PILRA: variants seen among roughly 807,000 people sequenced by gnomAD.
PILRA encodes paired immunoglobulin-like type 2 receptor alpha.
In PILRA, 37 loss-of-function variants were observed where a neutral mutation model predicts 33.1. The ratio of observed to expected loss-of-function variants is 1.12; its 90% CI spans 0.86 to 1.47. The LOEUF is 1.47. Ranked by LOEUF, PILRA falls within the 40% of genes most tolerant of loss-of-function variation. The pLI is 0.00. For synonymous variants in PILRA, 146 were observed against 149.9 expected, an observed-to-expected ratio of 0.97 and a Z score of 0.19; for missense variants, 312 against 376.2, an observed-to-expected ratio of 0.83 and a Z score of 1.41.
intron 1 of PILRA, 62 bp from the exon 2 acceptor site, chr7:100,373,982 C>A: frequency 2.5e-6 from 4 of 1,578,854 alleles, no homozygotes; most frequent in Non-Finnish European, 3.4e-6. Context: ...TCTGGGGTCA[C>A]CCTCTTTGTG....
intron 2 of PILRA, among the ~76,000 whole-genome samples, chr7:100,375,578 A>G (rs571261207): frequency 1.6e-4 from 24 of 152,274 alleles, no homozygotes; most frequent in African/African-American, 5.8e-4. Context: ...CTAAACATAC[A>G]AAAATTAGCC....
chr7:100,385,924 C>T lies in PILRA; in HGVS notation c.455-3964C>T, dbSNP rs376683498. On this transcript the variant is annotated intron_variant, in intron 2 of 6. Transcript: ENST00000198536. ...GATTACAGGCGTGAGCCACCACACC[C>T]GGCCTATGTCTTTTTTTTTTTTTGA... is the stretch of plus-strand genomic sequence containing the variant. Among the ~76,000 whole-genome samples, 17 of 151,174 alleles carry T rather than the reference C, an allele frequency of 1.1e-4. No homozygotes were observed. In the East Asian group the frequency reaches 2.3e-3, roughly 21 times the overall value.
intron 2 of PILRA, among the ~76,000 whole-genome samples, chr7:100,380,572 G>A (rs545384061): frequency 2.4e-4 from 36 of 152,280 alleles, no homozygotes; most frequent in Non-Finnish European, 3.8e-4. Context: ...AAGACAGGAG[G>A]ATTATTTGAG....
rs1291765139 is a variant in PILRA, at chr7:100,376,478, A to C, written c.454+2045A>C. On this transcript the variant is annotated intron_variant, in intron 2 of 6. Transcript: ENST00000198536. The stretch of plus-strand genomic sequence containing the variant: ...TCAGGAAAGTAATAAAAAGAGAAAA[A>C]AGTGTTTTTTTTTTTTTTTTTTGAG... 5.4e-5 allele frequency: 8 copies of C among 147,390 alleles called. No individual in the cohort carries two copies. The East Asian group carries it at 1.6e-3, about 29-fold the overall frequency. The allele number at this position is 147,390 out of a possible 1,614,324, so 9.1% of individuals were successfully genotyped here.
At chr7:100,388,790 A>G (rs1343714725) in intron 2 of PILRA, among the ~76,000 whole-genome samples, 1 of 150,424 alleles carries the variant, frequency 6.6e-6, no homozygotes, top group African/African-American at 2.4e-5. Context: ...ACAATCCTGT[A>G]AAAACACACT....
intron 2 of PILRA, among the ~76,000 whole-genome samples, chr7:100,381,496 A>C (rs1791092677): frequency 6.6e-6 from 1 of 152,040 alleles, no homozygotes; most frequent in East Asian, 1.9e-4. Flanking sequence ...CCACCAAAAC[A>C]ACCAAAAATG....
chr7:100,399,148 A>G, intron 4 of PILRA, 143 bp from the exon 5 acceptor site: 1 of 597,528 alleles, frequency 1.7e-6, no homozygotes, highest in Non-Finnish European at 3.1e-6. Context: ...TATGTTGTCC[A>G]GGCTGGTCTT....
At chr7:100,398,838 G>A (rs572364619) in intron 4 of PILRA, among the ~76,000 whole-genome samples, 1 of 151,974 alleles carries the variant, frequency 6.6e-6, no homozygotes, top group Non-Finnish European at 1.5e-5. Context: ...AGCAGCCTCC[G>A]AGTCTAAAAC....
chr7:100,375,305 T>C (rs921195015), intron 2 of PILRA, among the ~76,000 whole-genome samples: 1 of 152,198 alleles, frequency 6.6e-6, no homozygotes, highest in African/African-American at 2.4e-5. Flanking sequence ...ATTGCCCTAG[T>C]GAACCCTCAC....
chr7:100,394,337 C>T (rs1791448466), intron 3 of PILRA, among the ~76,000 whole-genome samples: 1 of 152,020 alleles, frequency 6.6e-6, no homozygotes, highest in African/African-American at 2.4e-5. Context: ...GTCAGCATTA[C>T]CATGATACCA....
At chr7:100,394,764 A>G (rs571161864) in intron 3 of PILRA, among the ~76,000 whole-genome samples, 2 of 152,290 alleles carry the variant, frequency 1.3e-5, no homozygotes, top group African/African-American at 4.8e-5. Flanking sequence ...AACAAATGGC[A>G]TTGGGAAAAC....
At chr7:100,377,227 A>AT (rs1790971780) in intron 2 of PILRA, among the ~76,000 whole-genome samples, 1 of 80,788 alleles carries the variant, frequency 1.2e-5, no homozygotes, top group Admixed American at 1.2e-4. Flanking sequence ...TCACTTTTCT[A>AT]TTTCTTTTTT....
At chr7:100,389,319 A>C (rs911045125) in intron 2 of PILRA, among the ~76,000 whole-genome samples, 5 of 152,160 alleles carry the variant, frequency 3.3e-5, no homozygotes, top group Admixed American at 6.6e-5. Context: ...AGGGTTCTGG[A>C]GTTGGATGGT....
chr7:100,385,972 C>G (rs746762986), intron 2 of PILRA, among the ~76,000 whole-genome samples: 26 of 151,430 alleles, frequency 1.7e-4, no homozygotes, highest in Middle Eastern at 3.4e-3. Context: ...ATCTTGTCAC[C>G]AAGGCTGGAT....
intron 2 of PILRA, among the ~76,000 whole-genome samples, chr7:100,386,917 T>C (rs1268882828): frequency 1.3e-5 from 2 of 152,204 alleles, no homozygotes; most frequent in Admixed American, 6.5e-5. Context: ...TCAAATTGCA[T>C]AGTTTTCCAT....
intron 3 of PILRA, among the ~76,000 whole-genome samples, chr7:100,397,199 G>C (rs1791517341): frequency 6.8e-6 from 1 of 147,936 alleles, no homozygotes; most frequent in Non-Finnish European, 1.5e-5. Flanking sequence ...CAAGGCCTGG[G>C]TTCAGAGGGT....
chr7:100,389,871 T>C lies in PILRA; in HGVS notation c.455-17T>C. The stretch of plus-strand genomic sequence containing the variant: ...TGCCCCCAGGGGAGGGTCTGCTCAT[T>C]CCTCATCTCTCCCCAGCTGTCACGA... On this transcript the variant is annotated splice_polypyrimidine_tract_variant and intron_variant, in intron 2 of 6. Transcript: ENST00000198536. 6.2e-7 allele frequency: 1 copy of C among 1,606,836 alleles called. No homozygotes were observed. The highest frequency in any genetic ancestry group is 8.5e-7 in the Non-Finnish European group (1 of 1,174,456).
At chr7:100,371,429 G>C (rs962259141), upstream of PILRA, among the ~76,000 whole-genome samples, 1 of 152,168 alleles carries the variant, frequency 6.6e-6, no homozygotes, top group African/African-American at 2.4e-5. Context: ...AAGCCTATGG[G>C]ATGTCGATTG....
chr7:100,383,257 C>T (rs982681313), intron 2 of PILRA, among the ~76,000 whole-genome samples: 4 of 152,112 alleles, frequency 2.6e-5, no homozygotes, highest in Admixed American at 2.0e-4. Context: ...CCAGAGAAGA[C>T]AGAAATGTGT....
Sources: gnomAD v4.1 joint callset for allele counts (sites outside exome capture counted in the v4.1 genomes callset) on GRCh38, gnomAD v4.1.1 for gene constraint, MANE v1.5 for transcripts, NCBI Gene and HGNC (gene_info 2026-07-23, HGNC 2026-07-21) for gene names.